USP8: variants seen among roughly 807,000 people sequenced by gnomAD.
The protein encoded by USP8 is ubiquitin specific peptidase 8.
In USP8, 27 loss-of-function variants were observed where a neutral mutation model predicts 130.0. The observed-to-expected ratio is 0.21, with a 90% CI of 0.15 to 0.29. The LOEUF is 0.29. Among genes scored for constraint, USP8 ranks in the 10% least tolerant of loss-of-function variants. The pLI is 1.00. For synonymous variants in USP8, 392 were observed against 444.1 expected (o/e 0.88, Z 1.48); for missense variants, 1,029 against 1,312.2 (o/e 0.78, Z 3.33).
At chr15:50,449,757 A>G (rs982861558) in intron 4 of USP8, among the ~76,000 whole-genome samples, 1 of 150,580 alleles carries the variant, frequency 6.6e-6, no homozygotes, top group African/African-American at 2.4e-5. Context: ...AATTTTTTGT[A>G]TTTTTAGTAG....
chr15:50,461,391 A>G (rs1301270990), intron 5 of USP8, among the ~76,000 whole-genome samples: 1 of 143,626 alleles, frequency 7.0e-6, no homozygotes, highest in Admixed American at 7.4e-5. Flanking sequence ...TGAGCCCAGG[A>G]GGTCCAGGCT....
intron 3 of USP8, among the ~76,000 whole-genome samples, chr15:50,445,073 G>GT (rs535673022): frequency 7.5e-4 from 114 of 152,048 alleles, no homozygotes; most frequent in African/African-American, 2.7e-3. Context: ...ACTGTTTTCT[G>GT]TTTTTTGTTA....
At chr15:50,455,705 T>A (rs1453495415) in intron 4 of USP8, among the ~76,000 whole-genome samples, 1 of 152,168 alleles carries the variant, frequency 6.6e-6, no homozygotes. Flanking sequence ...CACTAGGCAG[T>A]TAACTTGGCT....
Position 50,499,883 on chromosome 15 carries a change from A to ATTCT in USP8, c.*799_*802dup, listed in dbSNP as rs1040217119. 50 of 152,282 alleles carry ATTCT rather than the reference A, an allele frequency of 3.3e-4. No homozygotes were observed. The highest frequency in any genetic ancestry group is 1.1e-3 in the African/African-American group (47 of 41,564). The allele number at this position is 152,282 out of a possible 1,614,324, so 9.4% of individuals were successfully genotyped here. On this transcript the variant is annotated 3_prime_UTR_variant, in exon 20 of 20. Transcript: ENST00000307179. ...GTGCTATATAATAACACCCAGAGTC[A>ATTCT]TTCTTTCAAGACTAGTATTCTCACA...
At position 50,502,698 on chromosome 15, in the gene USP8, A is replaced by G. The variant is rs62019117; in HGVS notation, c.*3610A>G. 0.14 allele frequency: 20,851 copies of G among 151,342 alleles called. 1,959 individuals carry two copies. Among genetic ancestry groups the G allele is most frequent in the Middle Eastern group, 0.28 (81 of 286 alleles). The allele number at this position is 151,342 out of a possible 1,614,324, so 9.4% of individuals were successfully genotyped here. ...TTATTTTTAGAAGCAGTTTCTTGCT[A>G]TGTTGCCCAGGCTGTACATGAATTC... On this transcript the variant is annotated 3_prime_UTR_variant, in exon 20 of 20. Coordinates refer to ENST00000307179, the MANE Select transcript of USP8 (RefSeq NM_005154.5).
At position 50,499,267 on chromosome 15, in the gene USP8, T is replaced by C. The variant is rs2052528334; in HGVS notation, c.*179T>C. On this transcript the variant is annotated 3_prime_UTR_variant, in exon 20 of 20. Coordinates refer to ENST00000307179, the MANE Select transcript of USP8 (RefSeq NM_005154.5). ...GCTGACAAATAACATTTAACAAGTA[T>C]TGCAGTAATCATCACTTACAGGTAC... is the stretch of plus-strand genomic sequence containing the variant. 4 of 479,924 alleles carry C rather than the reference T, an allele frequency of 8.3e-6. No homozygotes were observed. Among genetic ancestry groups the C allele is most frequent in the Non-Finnish European group, 1.0e-5 (3 of 298,046 alleles). 29.7% of individuals were successfully genotyped at this position (479,924 alleles called of 1,614,324 possible).
At chr15:50,465,337 G>T in intron 7 of USP8, 146 bp downstream of exon 7, 1 of 595,192 alleles carries the variant, frequency 1.7e-6, no homozygotes. Flanking sequence ...CTTTTTATGT[G>T]TGTGGGTGGT....
chr15:50,492,177 T>C (rs982847913), intron 14 of USP8, among the ~76,000 whole-genome samples: 1 of 152,176 alleles, frequency 6.6e-6, no homozygotes, highest in African/African-American at 2.4e-5. Context: ...ATTTTTTTAC[T>C]GTGATTGTGT....
At chr15:50,463,463 G>A (rs1451289475) in intron 6 of USP8, 3 of 152,220 alleles carry the variant, frequency 2.0e-5, no homozygotes, top group Non-Finnish European at 2.9e-5. Context: ...CAGAGAAAAG[G>A]TTGAACTTAA....
At chr15:50,437,132 T>G (rs564982153) in intron 1 of USP8, among the ~76,000 whole-genome samples, 3 of 152,236 alleles carry the variant, frequency 2.0e-5, no homozygotes, top group African/African-American at 7.2e-5. Flanking sequence ...TGCGTTGTTA[T>G]GCTCATATTA....
In USP8 at chr15:50,474,162, A is replaced by ATTTT. The variant is rs1555389152; in HGVS notation, c.849+2367_849+2368insTTTT. Among the ~76,000 whole-genome samples, 1,079 of 151,858 alleles carry ATTTT rather than the reference A, an allele frequency of 7.1e-3. 15 individuals are homozygous for ATTTT. The highest frequency in any genetic ancestry group is 9.6e-3 in the Non-Finnish European group (653 of 67,938). On this transcript the variant is annotated intron_variant, in intron 8 of 19. Coordinates refer to ENST00000307179, the MANE Select transcript of USP8 (RefSeq NM_005154.5). ...TGAGGCGTGCGTCACCATCCTAGCT[A>ATTTT]ATTTTATTTTATTTTATTTTTGTAG... is the stretch of plus-strand genomic sequence containing the variant.
intron 13 of USP8, 114 bp from the exon 14 acceptor site, chr15:50,490,149 C>G (rs1318075972): frequency 3.6e-5 from 43 of 1,180,798 alleles, no homozygotes; most frequent in Non-Finnish European, 2.4e-6. Flanking sequence ...CCATTTTATT[C>G]GAATTATTTT....
chr15:50,435,558 T>C (rs1389204711), intron 1 of USP8, among the ~76,000 whole-genome samples: 1 of 152,198 alleles, frequency 6.6e-6, no homozygotes, highest in Non-Finnish European at 1.5e-5. Context: ...GCTTTCTCAC[T>C]TGATGAGCGG....
At chr15:50,464,316 T>TC (rs1438563640) in intron 6 of USP8, among the ~76,000 whole-genome samples, 1 of 152,228 alleles carries the variant, frequency 6.6e-6, no homozygotes, top group Admixed American at 6.5e-5. Flanking sequence ...AAGACTGCCA[T>TC]CAGAGACCTT....
chr15:50,469,581 C>T (rs868763914), intron 7 of USP8, among the ~76,000 whole-genome samples: 7 of 151,826 alleles, frequency 4.6e-5, no homozygotes, highest in African/African-American at 1.7e-4. Flanking sequence ...TTTTATATTT[C>T]TTCTACTTCT....
chr15:50,457,128 TCAG>T (rs1240821113), intron 4 of USP8, among the ~76,000 whole-genome samples: 1 of 152,208 alleles, frequency 6.6e-6, no homozygotes, highest in African/African-American at 2.4e-5. Flanking sequence ...AATTTTGAGT[TCAG>T]AAGTCATTTT....
intron 14 of USP8, among the ~76,000 whole-genome samples, chr15:50,492,312 C>T (rs2052206822): frequency 6.6e-6 from 1 of 151,824 alleles, no homozygotes; most frequent in Non-Finnish European, 1.5e-5. Context: ...TTTTATTATT[C>T]CTCATTTGGC....
intron 16 of USP8, among the ~76,000 whole-genome samples, chr15:50,494,492 G>T (rs1249874596): frequency 2.0e-5 from 3 of 152,194 alleles, no homozygotes; most frequent in Non-Finnish European, 4.4e-5. Flanking sequence ...GTATTGCTGA[G>T]AAATTTGCAA....
In USP8 at chr15:50,490,296, T is replaced by C. The variant is rs892322612; in HGVS notation, c.2005T>C (p.Tyr669His). Residue 669 changes from tyrosine (Y) to histidine (H), a missense_variant, in exon 14 of 20, where the codon TAT becomes CAT. Around this residue, in one of 4 missense-constraint regions of USP8, gnomAD observed 486 missense variants for 522.0 expected, o/e 0.93. Transcript: ENST00000307179. ...CCCAATCACTGGAACCTTTCGTTAT[T>C]ATCATTCACCCACCAACACTGTTCA... ...LDPITGTFRY[Y>H]HSPTNTVHMY... 5.0e-6 allele frequency: 8 copies of C among 1,613,804 alleles called. No homozygotes were observed. The highest frequency in any genetic ancestry group is 6.8e-6 in the Non-Finnish European group (8 of 1,179,958).
Sources: allele counts gnomAD v4.1 joint callset (sites outside exome capture counted in the v4.1 genomes callset), GRCh38; gene constraint gnomAD v4.1.1; regional missense constraint gnomAD v4.1.1; transcripts MANE v1.5; gene names NCBI Gene and HGNC (gene_info 2026-07-23, HGNC 2026-07-21).